E2F5: variants seen among roughly 807,000 people sequenced by gnomAD.
The protein encoded by E2F5 is transcription factor E2F5.
E2F5 carries 23 observed loss-of-function variants against 39.1 expected under a neutral mutation model. The observed-to-expected ratio is 0.59, with a 90% confidence interval of 0.42 to 0.83. The LOEUF (loss-of-function observed/expected upper bound fraction) is 0.83, where lower values mean the gene tolerates loss of function less well. Ranked by LOEUF, E2F5 falls within the 40% of genes least tolerant of loss-of-function variation. The probability of loss-of-function intolerance (pLI) is 0.00; values close to 1 mark genes in which losing one functional copy is unlikely to be tolerated. For missense variants in E2F5, 365 were observed against 406.7 expected (o/e 0.90, Z 0.88); for synonymous variants, 145 against 157.8 (o/e 0.92, Z 0.61).
intron 1 of E2F5, among the ~76,000 whole-genome samples, chr8:85,191,107 G>A (rs1302832778): frequency 6.6e-6 from 1 of 151,940 alleles, no homozygotes; most frequent in Non-Finnish European, 1.5e-5. Context: ...TAATAAATTT[G>A]TGCTACTATT....
intron 1 of E2F5, among the ~76,000 whole-genome samples, chr8:85,193,321 T>C (rs914973773): frequency 2.0e-5 from 3 of 151,938 alleles, no homozygotes; most frequent in Admixed American, 6.6e-5. Flanking sequence ...CCATCTCTAC[T>C]AAAAATAAAA....
intron 5 of E2F5, among the ~76,000 whole-genome samples, chr8:85,208,277 G>A (rs997662195): frequency 3.3e-5 from 5 of 152,156 alleles, no homozygotes; most frequent in Middle Eastern, 3.2e-3. Flanking sequence ...GCAGTGAGCC[G>A]AAATCGCGCC....
intron 1 of E2F5, among the ~76,000 whole-genome samples, chr8:85,191,432 T>C (rs1010188136): frequency 1.3e-5 from 2 of 152,178 alleles, no homozygotes; most frequent in African/African-American, 2.4e-5. Context: ...TGAGTGTTCT[T>C]ACCACACACA....
intron 1 of E2F5, among the ~76,000 whole-genome samples, chr8:85,187,055 C>T (rs993076104): frequency 6.6e-6 from 1 of 150,946 alleles, no homozygotes; most frequent in South Asian, 2.1e-4. Context: ...TTCAGTTTCC[C>T]TTTGTATTTT....
chr8:85,187,753 A>G (rs1042970451), intron 1 of E2F5: 1 of 152,142 alleles, frequency 6.6e-6, no homozygotes, highest in African/African-American at 2.4e-5. Context: ...TTGCCTTTTT[A>G]TTGGAGAACT....
In E2F5 at chr8:85,198,444, T is replaced by C. The variant is rs540721164; in HGVS notation, c.235-3703T>C. Among the ~76,000 whole-genome samples, 9 of 152,314 alleles carry C rather than the reference T, an allele frequency of 5.9e-5. No homozygotes were observed. In the East Asian group the frequency reaches 1.7e-3, roughly 29 times the overall value. On this transcript the variant is annotated intron_variant, in intron 1 of 7. Coordinates refer to ENST00000416274, the MANE Select transcript of E2F5 (RefSeq NM_001951.4). ...AGAACTCTTCAAGAGTTGTCTATTC[T>C]AGCTTTCTTTCCATTCTTTCTTGAA...
chr8:85,202,731 C>G (rs917472989), intron 2 of E2F5, among the ~76,000 whole-genome samples: 65 of 152,242 alleles, frequency 4.3e-4, no homozygotes, highest in African/African-American at 1.5e-3. Context: ...CAAAATTCCA[C>G]CAAAACATTA....
chr8:85,188,897 C>G (rs1413545586), intron 1 of E2F5, among the ~76,000 whole-genome samples: 1 of 152,172 alleles, frequency 6.6e-6, no homozygotes, highest in Non-Finnish European at 1.5e-5. Context: ...TTCTTACCCT[C>G]TTCAATGTGA....
Position 85,202,188 on chromosome 8 carries a change from T to G in E2F5, c.276T>G (p.Tyr92Ter). The G allele has an allele frequency of 6.2e-7, 1 of 1,613,142 alleles. No homozygotes were observed. ...TLAVRQKRRI[Y>*]DITNVLEGID... Reference sequence around the variant, plus strand: ...CTGTGAGGCAAAAAAGGAGAATTTATGATATCACCAATGTCTTAGAGGGAA... The same window carrying G: ...CTGTGAGGCAAAAAAGGAGAATTTAGGATATCACCAATGTCTTAGAGGGAA... Residue 92 changes from tyrosine (Y) to a stop codon, truncating the protein, a stop_gained, in exon 2 of 8, where the codon TAT (tyrosine) becomes TAG (stop). Coordinates refer to ENST00000416274, the MANE Select transcript of E2F5 (RefSeq NM_001951.4). LOFTEE classifies it high-confidence loss of function.
intron 1 of E2F5, among the ~76,000 whole-genome samples, chr8:85,191,911 G>A (rs1231932208): frequency 6.6e-6 from 1 of 152,190 alleles, no homozygotes; most frequent in East Asian, 1.9e-4. Context: ...GCAAGACAGT[G>A]TATGTCAGAG....
intron 1 of E2F5, among the ~76,000 whole-genome samples, chr8:85,184,988 T>C (rs1812298553): frequency 6.6e-6 from 1 of 152,198 alleles, no homozygotes; most frequent in South Asian, 2.1e-4. Context: ...CCAATGACTT[T>C]CTTCACAGAA....
intron 1 of E2F5, among the ~76,000 whole-genome samples, chr8:85,195,576 A>C (rs1047022329): frequency 6.6e-6 from 1 of 151,994 alleles, no homozygotes; most frequent in Non-Finnish European, 1.5e-5. Flanking sequence ...TGCAACCTCA[A>C]CCTCCTGGGT....
chr8:85,192,902 C>T, intron 1 of E2F5, among the ~76,000 whole-genome samples: 1 of 152,046 alleles, frequency 6.6e-6, no homozygotes. Flanking sequence ...TTCCTCTTTT[C>T]CAAAAATGGG....
intron 1 of E2F5, among the ~76,000 whole-genome samples, chr8:85,181,038 T>A (rs1250799308): frequency 6.6e-6 from 1 of 151,714 alleles, no homozygotes; most frequent in Non-Finnish European, 1.5e-5. Context: ...CCATTATGCC[T>A]GGCTTATTTT....
chr8:85,191,304 CA>C (rs905975427), intron 1 of E2F5, among the ~76,000 whole-genome samples: 3 of 151,950 alleles, frequency 2.0e-5, no homozygotes, highest in African/African-American at 7.2e-5. Context: ...AGATGTTGGT[CA>C]AAAGATACAA....
chr8:85,191,056 G>A (rs1245761321), intron 1 of E2F5, among the ~76,000 whole-genome samples: 1 of 152,108 alleles, frequency 6.6e-6, no homozygotes, highest in Non-Finnish European at 1.5e-5. Context: ...TTTTAGCTCA[G>A]TGAGATCCAT....
At chr8:85,197,660 G>C (rs532843122) in intron 1 of E2F5, among the ~76,000 whole-genome samples, 22 of 152,318 alleles carry the variant, frequency 1.4e-4, no homozygotes, top group African/African-American at 4.8e-4. Flanking sequence ...TGTAAACTGA[G>C]TTAATGTGAT....
chr8:85,211,219 CT>C (rs1200472987), intron 6 of E2F5, among the ~76,000 whole-genome samples: 1 of 84,028 alleles, frequency 1.2e-5, no homozygotes, highest in Non-Finnish European at 2.5e-5. Context: ...GACCCTATCT[CT>C]AAAAAAAAAA....
At chr8:85,199,792 A>G (rs969662203) in intron 1 of E2F5, among the ~76,000 whole-genome samples, 1 of 152,218 alleles carries the variant, frequency 6.6e-6, no homozygotes, top group African/African-American at 2.4e-5. Flanking sequence ...TTGCGGTAAG[A>G]TTATCCAGTT....
Sources: allele counts gnomAD v4.1 joint callset (sites outside exome capture counted in the v4.1 genomes callset), GRCh38; gene constraint gnomAD v4.1.1; transcripts MANE v1.5; gene names NCBI Gene and HGNC (gene_info 2026-07-23, HGNC 2026-07-21).